Variants in PDCD10 observed in about 807,000 individuals in gnomAD.
PDCD10 encodes programmed cell death 10, also known as programmed cell death protein 10.
PDCD10 carries 4 observed loss-of-function variants against 29.2 expected under a neutral mutation model. That is an observed-to-expected ratio of 0.14 (90% CI 0.07 to 0.31). The LOEUF is 0.31. PDCD10 is among the 10% of genes least tolerant of loss of function. The probability of loss-of-function intolerance (pLI) is 1.00; values close to 1 mark genes in which losing one functional copy is unlikely to be tolerated. For synonymous variants in PDCD10, 70 were observed against 82.2 expected, an observed-to-expected ratio of 0.85 and a Z score of 0.80; for missense variants, 183 against 257.9, an observed-to-expected ratio of 0.71 and a Z score of 1.99.
At position 167,692,058 on chromosome 3, in the gene PDCD10, T is replaced by A. The variant is rs62278328; in HGVS notation, c.395+3538A>T. On this transcript the variant is annotated intron_variant, in intron 6 of 8. Coordinates refer to ENST00000392750, the MANE Select transcript of PDCD10 (RefSeq NM_007217.4). ...GCAAAATCTGCTGCAAATATTATTT[T>A]AAATGTCAAATCTTCATAGAAATGT... is the stretch of plus-strand genomic sequence containing the variant. Among the ~76,000 whole-genome samples, 1,038 of 152,338 alleles carry A rather than the reference T, an allele frequency of 6.8e-3. 4 individuals carry two copies. The highest frequency in any genetic ancestry group is 1.0e-2 in the Non-Finnish European group (680 of 68,020).
At position 167,720,199 on chromosome 3, in the gene PDCD10, G is replaced by GATTCCTCTGCATTTT; in HGVS notation, c.-43_-42insAAAATGCAGAGGAAT. ...GTTGAAAAAGCAGTGCTAAAATGCA[G>GATTCCTCTGCATTTT]AGGAATCTTCATTCACTGCAATATT... On this transcript the variant is annotated 5_prime_UTR_variant, in exon 3 of 9. In the 5' UTR this introduces an upstream ATG that the reference lacks. Transcript: ENST00000392750. 2 of 1,301,294 alleles carry GATTCCTCTGCATTTT rather than the reference G, an allele frequency of 1.5e-6. No homozygotes were observed. Among genetic ancestry groups the GATTCCTCTGCATTTT allele is most frequent in the Non-Finnish European group, 1.1e-6 (1 of 895,328 alleles). The allele number at this position is 1,301,294 out of a possible 1,614,324, so 80.6% of individuals were successfully genotyped here. A position where few individuals can be genotyped will look rare whatever the true frequency, so the allele number is the denominator to read the frequency against.
chr3:167,695,993 A>C (rs1034933595), intron 5 of PDCD10, among the ~76,000 whole-genome samples: 7 of 127,202 alleles, frequency 5.5e-5, no homozygotes, highest in African/African-American at 1.5e-4. Flanking sequence ...AAAAAAAAAA[A>C]CACACAAAAA....
At chr3:167,695,754 C>T in intron 5 of PDCD10, 32 bp from the exon 6 acceptor site, 2 of 1,604,858 alleles carry the variant, frequency 1.2e-6, no homozygotes, top group Non-Finnish European at 1.7e-6. Context: ...AAAAAACATC[C>T]TGCGACTCTC....
At chr3:167,699,921 AAAT>A (rs1398965242) in intron 4 of PDCD10, among the ~76,000 whole-genome samples, 16 of 152,228 alleles carry the variant, frequency 1.1e-4, no homozygotes, top group Non-Finnish European at 2.1e-4. Context: ...GTAGTGAAAA[AAAT>A]AATAAAAACA....
chr3:167,728,621 A>G (rs765934883), intron 2 of PDCD10, among the ~76,000 whole-genome samples: 17 of 152,248 alleles, frequency 1.1e-4, no homozygotes, highest in Non-Finnish European at 2.4e-4. Flanking sequence ...TTAGTATATT[A>G]GAAAGACTAA....
chr3:167,695,064 C>T (rs914837779), intron 6 of PDCD10, among the ~76,000 whole-genome samples: 2 of 152,170 alleles, frequency 1.3e-5, no homozygotes, highest in African/African-American at 4.8e-5. Flanking sequence ...TGTCCCTGGT[C>T]TGAGAACTAC....
At chr3:167,685,962 T>A (rs1056881887) in intron 8 of PDCD10, among the ~76,000 whole-genome samples, 1 of 152,200 alleles carries the variant, frequency 6.6e-6, no homozygotes, top group African/African-American at 2.4e-5. Flanking sequence ...TTTGAACTGT[T>A]AAAAATGACT....
chr3:167,697,316 C>T (rs966763345), intron 4 of PDCD10, among the ~76,000 whole-genome samples, 190 bp from the exon 5 acceptor site: 3 of 152,144 alleles, frequency 2.0e-5, no homozygotes, highest in South Asian at 4.1e-4. Flanking sequence ...CGACTCTTTA[C>T]TATGACTAAG....
intron 3 of PDCD10, among the ~76,000 whole-genome samples, chr3:167,707,527 A>AC (rs1722097981): frequency 6.6e-6 from 1 of 152,010 alleles, no homozygotes; most frequent in East Asian, 1.9e-4. Context: ...AAATACAAAA[A>AC]AAAATTAGCT....
chr3:167,708,371 T>C (rs932688655), intron 3 of PDCD10, among the ~76,000 whole-genome samples: 1 of 152,184 alleles, frequency 6.6e-6, no homozygotes, highest in Non-Finnish European at 1.5e-5. Context: ...TGTTGTTGTT[T>C]GTTTTAAAGG....
chr3:167,711,892 T>C (rs1179516725), intron 3 of PDCD10, among the ~76,000 whole-genome samples: 7 of 151,998 alleles, frequency 4.6e-5, no homozygotes, highest in African/African-American at 1.7e-4. Flanking sequence ...GAAGAAATTT[T>C]TATCCTAGAA....
intron 2 of PDCD10, among the ~76,000 whole-genome samples, chr3:167,724,621 T>C (rs1424099142): frequency 1.3e-5 from 2 of 152,216 alleles, no homozygotes; most frequent in Admixed American, 6.5e-5. Context: ...GATGGGCAAT[T>C]TATAAATTGA....
intron 6 of PDCD10, among the ~76,000 whole-genome samples, chr3:167,693,049 A>G (rs2108394357): frequency 6.6e-6 from 1 of 152,356 alleles, no homozygotes. Context: ...GAGTAGGGTC[A>G]TTCCTTGATA....
chr3:167,699,190 G>A (rs1721116665), intron 4 of PDCD10, among the ~76,000 whole-genome samples: 1 of 152,040 alleles, frequency 6.6e-6, no homozygotes, highest in African/African-American at 2.4e-5. Context: ...ATTTCCTCTT[G>A]CAGATATATT....
chr3:167,710,333 C>A (rs1722408662), intron 3 of PDCD10, among the ~76,000 whole-genome samples: 1 of 152,124 alleles, frequency 6.6e-6, no homozygotes, highest in Non-Finnish European at 1.5e-5. Flanking sequence ...AGCCCATTGT[C>A]CTGAAGAGTG....
chr3:167,687,565 C>T (rs747369642), intron 7 of PDCD10, 50 bp downstream of exon 7: 9 of 1,015,014 alleles, frequency 8.9e-6, no homozygotes, highest in Non-Finnish European at 1.4e-5. Context: ...AACAACTAGG[C>T]ATAAACCAAC....
At chr3:167,733,813 A>T (rs1292811306) in intron 2 of PDCD10, among the ~76,000 whole-genome samples, 1 of 152,170 alleles carries the variant, frequency 6.6e-6, no homozygotes, top group Non-Finnish European at 1.5e-5. Flanking sequence ...CTCCCATCCT[A>T]TTACCTACCC....
At chr3:167,722,237 T>C (rs1234229832) in intron 2 of PDCD10, among the ~76,000 whole-genome samples, 1 of 152,094 alleles carries the variant, frequency 6.6e-6, no homozygotes, top group East Asian at 1.9e-4. Flanking sequence ...GCTCTCATTG[T>C]GTGACAGAAA....
chr3:167,733,820 A>T (rs1336207223), intron 2 of PDCD10, among the ~76,000 whole-genome samples: 1 of 152,164 alleles, frequency 6.6e-6, no homozygotes, highest in Non-Finnish European at 1.5e-5. Context: ...CCTATTACCT[A>T]CCCGTAAAAA....
Sources: gnomAD v4.1 joint callset for allele counts (sites outside exome capture counted in the v4.1 genomes callset) on GRCh38, gnomAD v4.1.1 for gene constraint, MANE v1.5 for transcripts, NCBI Gene and HGNC (gene_info 2026-07-23, HGNC 2026-07-21) for gene names.